The following NUP93 variants were observed in gnomAD, a reference collection of about 807,000 sequenced individuals.
NUP93 encodes nucleoporin 93, also known as nuclear pore complex protein Nup93.
Under a neutral mutation model 107.8 loss-of-function variants are expected in NUP93, and 55 were observed. The observed-to-expected ratio is 0.51, with a 90% CI of 0.41 to 0.64. The LOEUF is 0.64. Among genes scored for constraint, NUP93 ranks in the 30% least tolerant of loss-of-function variants. The probability of loss-of-function intolerance (pLI) is 0.00; values close to 1 mark genes in which losing one functional copy is unlikely to be tolerated. For missense variants in NUP93, 937 were observed against 1,044.7 expected (o/e 0.90, Z 1.42); for synonymous variants, 390 against 397.5 (o/e 0.98, Z 0.22).
intron 18 of NUP93, among the ~76,000 whole-genome samples, chr16:56,838,183 A>T (rs1963951824): frequency 6.6e-6 from 1 of 152,216 alleles, no homozygotes. Context: ...TTTAAGTCCC[A>T]GGCTGAAGCT....
chr16:56,751,041 G>A (rs1051548589), intron 2 of NUP93, among the ~76,000 whole-genome samples: 4 of 151,856 alleles, frequency 2.6e-5, no homozygotes, highest in Non-Finnish European at 5.9e-5. Context: ...CCAGCTACTC[G>A]GGAGGCTGAG....
chr16:56,843,550 A>C (rs1300630410), intron 21 of NUP93, among the ~76,000 whole-genome samples: 1 of 152,206 alleles, frequency 6.6e-6, no homozygotes, highest in Non-Finnish European at 1.5e-5. Flanking sequence ...TTCATGGTTT[A>C]AAGTGAGATG....
chr16:56,775,139 G>A (rs1160648174), intron 3 of NUP93, among the ~76,000 whole-genome samples: 4 of 152,032 alleles, frequency 2.6e-5, no homozygotes, highest in African/African-American at 9.7e-5. Flanking sequence ...GAGCTCAAGC[G>A]ATCCACCTAC....
intron 3 of NUP93, among the ~76,000 whole-genome samples, chr16:56,794,086 GTAGGTAGA>G (rs57770955): frequency 0.19 from 25,572 of 135,066 alleles, 2,244 homozygotes; most frequent in Middle Eastern, 0.31. Context: ...AGGTAGGTAG[GTAGGTAGA>G]TAGATAGATA....
intron 2 of NUP93, among the ~76,000 whole-genome samples, chr16:56,749,011 A>C (rs1323904959): frequency 2.0e-5 from 3 of 152,168 alleles, no homozygotes; most frequent in Admixed American, 1.3e-4. Flanking sequence ...AAGAGAGTGC[A>C]GCTGGGGAAA....
At chr16:56,798,327 G>A in intron 3 of NUP93, 149 bp from the exon 4 acceptor site, 1 of 634,172 alleles carries the variant, frequency 1.6e-6, no homozygotes. Flanking sequence ...ATCTGTAAAA[G>A]TCATCTATGT....
chr16:56,761,901 A>T (rs535444480), intron 3 of NUP93, among the ~76,000 whole-genome samples: 19 of 152,316 alleles, frequency 1.2e-4, no homozygotes, highest in African/African-American at 4.1e-4. Context: ...AATGCATTTT[A>T]AAAAAATTGC....
Position 56,834,453 on chromosome 16 carries a change from T to A in NUP93, c.1737+11T>A. Reference sequence around the variant, plus strand: ...ATTGAAAGCCGAGAGGTGAGTGGGTTTCCTTTTCTCTCCTCCCCATGGTTT... The same window carrying A: ...ATTGAAAGCCGAGAGGTGAGTGGGTATCCTTTTCTCTCCTCCCCATGGTTT... On this transcript the variant is annotated intron_variant, in intron 15 of 21. Coordinates refer to ENST00000308159, the MANE Select transcript of NUP93 (RefSeq NM_014669.5). 2 of 1,613,834 alleles carry A rather than the reference T, an allele frequency of 1.2e-6. No homozygotes were observed. The highest frequency in any genetic ancestry group is 1.7e-6 in the Non-Finnish European group (2 of 1,179,720).
At chr16:56,841,973 A>G in intron 21 of NUP93, 140 bp downstream of exon 21, 1 of 958,052 alleles carries the variant, frequency 1.0e-6, no homozygotes, top group Non-Finnish European at 1.5e-6. Flanking sequence ...TCGTGTTAGG[A>G]GGCTCCCAGA....
chr16:56,730,589 C>T (rs1597096523), intron 1 of NUP93, among the ~76,000 whole-genome samples: 1 of 152,202 alleles, frequency 6.6e-6, no homozygotes, highest in Non-Finnish European at 1.5e-5. Context: ...CCTTCCTGAC[C>T]GTGCCCTGCC....
intron 2 of NUP93, among the ~76,000 whole-genome samples, chr16:56,754,868 T>A (rs1961989526): frequency 1.3e-5 from 2 of 152,214 alleles, no homozygotes; most frequent in Admixed American, 1.3e-4. Flanking sequence ...TCCAGACATT[T>A]CTCTACATTC....
intron 14 of NUP93, 28 bp from the exon 15 acceptor site, chr16:56,834,342 G>C: frequency 6.2e-7 from 1 of 1,614,124 alleles, no homozygotes; most frequent in Non-Finnish European, 8.5e-7. Context: ...GTCCAGACTG[G>C]AAACTGAGTT....
At chr16:56,743,931 C>T (rs1489240746) in intron 1 of NUP93, among the ~76,000 whole-genome samples, 2 of 152,164 alleles carry the variant, frequency 1.3e-5, no homozygotes, top group African/African-American at 2.4e-5. Flanking sequence ...TGATACTTTG[C>T]GATGCTCTCT....
At position 56,748,290 on chromosome 16, in the gene NUP93, C is replaced by CAGCTT. The variant is rs1286762740; in HGVS notation, c.44_48dup (p.Ala17SerfsTer34). The CAGCTT allele has an allele frequency of 6.2e-7, 1 of 1,613,706 alleles. No individual in the cohort carries two copies. The highest frequency in any genetic ancestry group is 8.5e-7 in the Non-Finnish European group (1 of 1,179,860). ...TGGTGAGCTCCTTCAGCAAGCTGAA[C>CAGCTT]AGCTTGCTGCTGAGACTGAGGGCAT... On this transcript the variant is annotated frameshift_variant, in exon 2 of 22. Transcript: ENST00000308159. LOFTEE classifies it high-confidence loss of function.
At chr16:56,781,624 T>G (rs1379089418) in intron 3 of NUP93, 1 of 159,524 alleles carries the variant, frequency 6.3e-6, no homozygotes, top group Non-Finnish European at 1.3e-5. Flanking sequence ...TTTTCCACAT[T>G]AACCAAACAT....
chr16:56,748,554 G>A (rs2075833849), intron 2 of NUP93, 128 bp downstream of exon 2: 1 of 798,288 alleles, frequency 1.3e-6, no homozygotes, highest in African/African-American at 1.7e-5. Flanking sequence ...TGGGAACTCA[G>A]AAAGTGTTGT....
intron 5 of NUP93, among the ~76,000 whole-genome samples, chr16:56,808,031 A>T (rs1180570283): frequency 6.9e-6 from 1 of 144,858 alleles, no homozygotes; most frequent in African/African-American, 2.5e-5. Context: ...CAAAAAATAT[A>T]TATAAATATA....
intron 5 of NUP93, among the ~76,000 whole-genome samples, chr16:56,806,894 G>A (rs1963153726): frequency 6.6e-6 from 1 of 152,158 alleles, no homozygotes; most frequent in South Asian, 2.1e-4. Context: ...AGAGGCTGCT[G>A]ACCACTCTGG....
chr16:56,750,677 A>T (rs2041164968), intron 2 of NUP93, among the ~76,000 whole-genome samples: 1 of 152,208 alleles, frequency 6.6e-6, no homozygotes, highest in Non-Finnish European at 1.5e-5. Flanking sequence ...ATTGGAACAC[A>T]GCCAGGCTTA....
Sources: allele counts gnomAD v4.1 joint callset (sites outside exome capture counted in the v4.1 genomes callset), GRCh38; gene constraint gnomAD v4.1.1; transcripts MANE v1.5; gene names NCBI Gene and HGNC (gene_info 2026-07-23, HGNC 2026-07-21).